The following CDKL5 variants were observed in gnomAD, a reference collection of about 807,000 sequenced individuals.
CDKL5 encodes the protein cyclin dependent kinase like 5.
Under a neutral mutation model 61.7 loss-of-function variants are expected in CDKL5, and 8 were observed. The ratio of observed to expected loss-of-function variants is 0.13; its 90% CI spans 0.08 to 0.23. The LOEUF (loss-of-function observed/expected upper bound fraction) is 0.23, where lower values mean the gene tolerates loss of function less well. Among genes scored for constraint, CDKL5 ranks in the 10% least tolerant of loss-of-function variants. The pLI, the probability that CDKL5 is intolerant of heterozygous loss-of-function variation, is 1.00. For missense variants in CDKL5, 440 were observed against 734.5 expected, an observed-to-expected ratio of 0.60 and a Z score of 4.63; for synonymous variants, 275 against 272.3, an observed-to-expected ratio of 1.01 and a Z score of -0.10.
downstream of CDKL5, chrX:18,641,769 C>T (rs952249507): frequency 1.2e-5 from 5 of 406,465 alleles, no homozygotes; most frequent in East Asian, 4.1e-5. Context: ...AAATTCGTTT[C>T]GGGGACATTT....
intron 3 of CDKL5, among the ~76,000 whole-genome samples, chrX:18,558,787 T>C (rs763660423): frequency 1.6e-4 from 18 of 112,450 alleles, no homozygotes; most frequent in East Asian, 5.6e-4. Context: ...ACTCCCCTAC[T>C]AGCCTGCATT....
At position 18,560,856 on chromosome X, in the gene CDKL5, T is replaced by TG. The variant is rs201021475; in HGVS notation, c.100-3621_100-3620insG. 4.6e-3 allele frequency among the ~76,000 whole-genome samples: 517 copies of TG among 111,283 alleles called. 4 individuals are homozygous for TG. The highest frequency in any genetic ancestry group is 0.015 in the African/African-American group (469 of 30,701). Reference sequence around the variant, plus strand: ...TTTTTATTTCAAAGAAAAGGAAAAGTCCTAACAGTATTTAGGCAGAAAAAA... The same window carrying TG: ...TTTTTATTTCAAAGAAAAGGAAAAGTGCCTAACAGTATTTAGGCAGAAAAAA... On this transcript the variant is annotated intron_variant, in intron 3 of 17. Transcript: ENST00000623535.
intron 10 of CDKL5, 152 bp from the exon 11 acceptor site, chrX:18,598,310 G>A: frequency 6.3e-6 from 3 of 472,582 alleles, no homozygotes; most frequent in Non-Finnish European, 1.1e-5. Context: ...AGGTGATTTA[G>A]ATAGTCTTTT....
intron 8 of CDKL5, among the ~76,000 whole-genome samples, chrX:18,586,885 C>T (rs1925658549): frequency 1.8e-5 from 2 of 111,466 alleles, no homozygotes; most frequent in South Asian, 7.4e-4. Flanking sequence ...AACAAACTTA[C>T]CAAAAAGATC....
chrX:18,629,458 T>A lies in CDKL5; in HGVS notation c.*701T>A, dbSNP rs1449775475. On this transcript the variant is annotated 3_prime_UTR_variant, in exon 18 of 18. Coordinates refer to ENST00000623535, the MANE Select transcript of CDKL5 (RefSeq NM_001323289.2). ...CAGGAGTATTTTATTCTATATATAA[T>A]ATATATATATGGTAAATATCTGTTT... is the stretch of plus-strand genomic sequence containing the variant. 1 of 466,520 alleles carries A rather than the reference T, an allele frequency of 2.1e-6. No individual in the cohort carries two copies. The highest frequency in any genetic ancestry group is 2.7e-5 in the African/African-American group (1 of 37,280). 38.4% of individuals were successfully genotyped at this position (466,520 alleles called of 1,213,427 possible).
At chrX:18,468,381 A>G (rs1920982744) in intron 1 of CDKL5, among the ~76,000 whole-genome samples, 1 of 112,159 alleles carries the variant, frequency 8.9e-6, no homozygotes, top group Non-Finnish European at 1.9e-5. Context: ...ATAACGTGCT[A>G]TTTCTTTCTT....
At position 18,595,337 on chromosome X, in the gene CDKL5, A is replaced by G. The variant is rs1486104546; in HGVS notation, c.745-11A>G. The G allele has an allele frequency of 1.7e-6, 2 of 1,146,121 alleles. No individual in the cohort carries two copies. The highest frequency in any genetic ancestry group is 2.4e-6 in the Non-Finnish European group (2 of 835,550). 94.5% of individuals were successfully genotyped at this position (1,146,121 alleles called of 1,213,427 possible). A position where few individuals can be genotyped will look rare whatever the true frequency, so the allele number is the denominator to read the frequency against. On this transcript the variant is annotated splice_polypyrimidine_tract_variant and intron_variant, in intron 9 of 17. Coordinates refer to ENST00000623535, the MANE Select transcript of CDKL5 (RefSeq NM_001323289.2). ...CCAAATGTTAACATTCCCTTTGTGT[A>G]TGTCTCACAGTTTCCAGCTGTTAAC...
chrX:18,508,433 T>C (rs1602231255), intron 2 of CDKL5, among the ~76,000 whole-genome samples: 2 of 112,174 alleles, frequency 1.8e-5, no homozygotes, highest in East Asian at 2.8e-4. Flanking sequence ...ATCGATGTTA[T>C]GTAAAAATTT....
chrX:18,459,688 A>G (rs1314341631), intron 1 of CDKL5, among the ~76,000 whole-genome samples: 1 of 103,957 alleles, frequency 9.6e-6, no homozygotes, highest in Non-Finnish European at 2.0e-5. Context: ...GGCCTCAGGA[A>G]GCTTTCTTTC....
At chrX:18,467,272 C>T (rs1920969814) in intron 1 of CDKL5, among the ~76,000 whole-genome samples, 1 of 111,450 alleles carries the variant, frequency 9.0e-6, no homozygotes, top group South Asian at 3.8e-4. Context: ...CCTGTGGATC[C>T]TGGGCTTTGC....
chrX:18,649,989 G>A (rs1443386467), intron 20 of CDKL5: 7 of 198,031 alleles, frequency 3.5e-5, no homozygotes, highest in South Asian at 1.7e-4. Context: ...CGCCGCCGCC[G>A]CCCCGCTCAG....
chrX:18,554,722 C>T (rs1026608916), intron 3 of CDKL5, among the ~76,000 whole-genome samples: 6 of 111,018 alleles, frequency 5.4e-5, no homozygotes, highest in Admixed American at 1.9e-4. Context: ...GGCCATTTCA[C>T]GGTATAATAT....
downstream of CDKL5, among the ~76,000 whole-genome samples, chrX:18,642,933 T>G (rs1927638560): frequency 9.1e-6 from 1 of 110,216 alleles, no homozygotes; most frequent in African/African-American, 3.3e-5. Flanking sequence ...AAATCCCAGC[T>G]ACTCTGGAGG....
At position 18,628,797 on chromosome X, in the gene CDKL5, T is replaced by C. The variant is rs868200038; in HGVS notation, c.*40T>C. ...GGGGAGGGGTGGACAGACAAGCCAGTGGGGAGGGGTGGGAAAGGGTGGGCT... is the reference window on the plus strand; with the variant it reads ...GGGGAGGGGTGGACAGACAAGCCAGCGGGGAGGGGTGGGAAAGGGTGGGCT... On this transcript the variant is annotated 3_prime_UTR_variant, in exon 18 of 18. Coordinates refer to ENST00000623535, the MANE Select transcript of CDKL5 (RefSeq NM_001323289.2). 2 of 40,195 alleles carry C rather than the reference T, an allele frequency of 5.0e-5. No homozygotes were observed. The highest frequency in any genetic ancestry group is 1.4e-3 in the Admixed American group (1 of 706). 3.3% of individuals were successfully genotyped at this position (40,195 alleles called of 1,213,427 possible).
At chrX:18,542,029 A>G (rs1230439280) in intron 3 of CDKL5, among the ~76,000 whole-genome samples, 1 of 111,853 alleles carries the variant, frequency 8.9e-6, no homozygotes, top group Non-Finnish European at 1.9e-5. Flanking sequence ...AGTATGATGA[A>G]TAATTTTCTA....
intron 20 of CDKL5, among the ~76,000 whole-genome samples, chrX:18,646,276 C>T (rs1482360830): frequency 8.9e-6 from 1 of 111,766 alleles, no homozygotes; most frequent in Admixed American, 9.5e-5. Flanking sequence ...GCCTCAGCCT[C>T]CTAAGTAGCT....
chrX:18,563,417 T>A (rs1924866950), intron 3 of CDKL5, among the ~76,000 whole-genome samples: 1 of 111,893 alleles, frequency 8.9e-6, no homozygotes, highest in South Asian at 3.7e-4. Context: ...AGAAGGAGTT[T>A]CTTTAAGTCA....
chrX:18,508,229 G>A (rs1292323421), intron 2 of CDKL5, among the ~76,000 whole-genome samples: 2 of 111,954 alleles, frequency 1.8e-5, no homozygotes, highest in African/African-American at 6.5e-5. Context: ...ATTCCTAAAG[G>A]ACTAAAAAAG....
intron 3 of CDKL5, among the ~76,000 whole-genome samples, chrX:18,541,663 T>C (rs1454704454): frequency 9.0e-6 from 1 of 110,784 alleles, no homozygotes; most frequent in Non-Finnish European, 1.9e-5. Context: ...CCCAAGTAGT[T>C]GGGACCACAG....
Sources: gnomAD v4.1 joint callset for allele counts (sites outside exome capture counted in the v4.1 genomes callset) on GRCh38, gnomAD v4.1.1 for gene constraint, MANE v1.5 for transcripts, NCBI Gene and HGNC (gene_info 2026-07-23, HGNC 2026-07-21) for gene names.